The following DPY19L3 variants were observed in gnomAD, a reference collection of about 807,000 sequenced individuals.
The protein encoded by DPY19L3 is protein C-mannosyl-transferase DPY19L3.
A neutral mutation model predicts 92.3 loss-of-function variants in DPY19L3; 51 were observed. That is an observed-to-expected ratio of 0.55 (90% CI 0.44 to 0.70). The LOEUF is 0.70. Ranked by LOEUF, DPY19L3 falls within the 30% of genes least tolerant of loss-of-function variation. The pLI is 0.00. For synonymous variants in DPY19L3, 309 were observed against 315.2 expected (o/e 0.98, Z 0.21); for missense variants, 706 against 855.9 (o/e 0.82, Z 2.18).
chr19:32,411,424 G>C lies in DPY19L3; in HGVS notation c.237+52G>C, dbSNP rs576685910. 2.3e-4 allele frequency: 369 copies of C among 1,600,098 alleles called. 4 individuals carry two copies. The South Asian group carries it at 2.6e-3, about 11-fold the overall frequency. ...CATTCACTCAGTGGGATCTCCAGTA[G>C]TAAGCCATGTGGATGAATGACCAAG... is the stretch of plus-strand genomic sequence containing the variant. On this transcript the variant is annotated intron_variant, in intron 3 of 18. Transcript: ENST00000392250.
chr19:32,485,405 G>A lies in DPY19L3; in HGVS notation c.*3165G>A, dbSNP rs1203464175. ...CAGCGTGACAGGAGTGTGTGTGTGT[G>A]TGTGTGTTTCTGTGGGTGTGTGGTT... On this transcript the variant is annotated 3_prime_UTR_variant, in exon 19 of 19. Transcript: ENST00000392250. 6.6e-6 allele frequency: 1 copy of A among 152,172 alleles called. No individual in the cohort carries two copies. The highest frequency in any genetic ancestry group is 1.5e-5 in the Non-Finnish European group (1 of 68,046). The allele number at this position is 152,172 out of a possible 1,614,324, so 9.4% of individuals were successfully genotyped here.
intron 17 of DPY19L3, among the ~76,000 whole-genome samples, chr19:32,478,751 G>C (rs756089492): frequency 6.6e-6 from 1 of 152,172 alleles, no homozygotes; most frequent in African/African-American, 2.4e-5. Flanking sequence ...TTTTAAAGCT[G>C]CTTAATATTT....
chr19:32,479,367 A>G (rs987843434), intron 17 of DPY19L3, among the ~76,000 whole-genome samples: 2 of 152,036 alleles, frequency 1.3e-5, no homozygotes, highest in Non-Finnish European at 2.9e-5. Flanking sequence ...GGTCGAGTGC[A>G]CAGAACGTCC....
At chr19:32,469,597 G>T (rs1316869645) in intron 16 of DPY19L3, among the ~76,000 whole-genome samples, 2 of 152,066 alleles carry the variant, frequency 1.3e-5, no homozygotes, top group East Asian at 3.9e-4. Context: ...AGCTCAGTGC[G>T]GATTTCATGT....
Position 32,483,176 on chromosome 19 carries a change from T to C in DPY19L3, c.*936T>C, listed in dbSNP as rs1438244843. 6.6e-6 allele frequency: 1 copy of C among 152,246 alleles called. No individual in the cohort carries two copies. The highest frequency in any genetic ancestry group is 1.5e-5 in the Non-Finnish European group (1 of 68,040). 9.4% of individuals were successfully genotyped at this position (152,246 alleles called of 1,614,324 possible). A position where few individuals can be genotyped will look rare whatever the true frequency, so the allele number is the denominator to read the frequency against. On this transcript the variant is annotated 3_prime_UTR_variant, in exon 19 of 19. Transcript: ENST00000392250. ...AAGTCTGAATATTTTTTAAATGTTC[T>C]ATCTTAACTAGTTCACTAATACAGT...
intron 3 of DPY19L3, among the ~76,000 whole-genome samples, chr19:32,431,899 C>A (rs1380981547): frequency 1.3e-5 from 2 of 152,138 alleles, no homozygotes; most frequent in Non-Finnish European, 2.9e-5. Flanking sequence ...AAAAATATGA[C>A]ATACCATCAA....
chr19:32,465,874 A>G (rs996289224), intron 15 of DPY19L3, among the ~76,000 whole-genome samples: 2 of 152,218 alleles, frequency 1.3e-5, no homozygotes, highest in African/African-American at 4.8e-5. Flanking sequence ...TTATTGCTCT[A>G]ATGCGAATAA....
At chr19:32,450,701 C>G (rs1969671573) in intron 8 of DPY19L3, among the ~76,000 whole-genome samples, 1 of 152,062 alleles carries the variant, frequency 6.6e-6, no homozygotes, top group African/African-American at 2.4e-5. Flanking sequence ...GTTGCCGGAG[C>G]TGGGGGTAGG....
chr19:32,409,127 C>T (rs1209557932), intron 2 of DPY19L3, among the ~76,000 whole-genome samples: 8 of 152,098 alleles, frequency 5.3e-5, no homozygotes, highest in East Asian at 1.9e-4. Context: ...CAGCCATTAG[C>T]GAGTGATTAA....
chr19:32,461,733 C>A (rs1210387688), intron 12 of DPY19L3, among the ~76,000 whole-genome samples: 1 of 152,190 alleles, frequency 6.6e-6, no homozygotes, highest in East Asian at 1.9e-4. Context: ...GTGCCCAGTT[C>A]TATTGGGTAT....
chr19:32,467,755 A>G, intron 15 of DPY19L3: 8 of 984,200 alleles, frequency 8.1e-6, no homozygotes, highest in Non-Finnish European at 9.7e-6. Context: ...TGACCTTAGA[A>G]TGTATATAGA....
chr19:32,408,381 A>C (rs762400856), intron 2 of DPY19L3, 25 bp downstream of exon 2: 16 of 1,561,438 alleles, frequency 1.0e-5, no homozygotes, highest in Non-Finnish European at 1.4e-5. Context: ...CTAAAGCAGC[A>C]ATTTGGGTTG....
At chr19:32,464,869 CA>C in intron 15 of DPY19L3, 85 bp downstream of exon 15, 1 of 932,836 alleles carries the variant, frequency 1.1e-6, no homozygotes, top group Non-Finnish European at 1.6e-6. Context: ...TATTATTTGG[CA>C]AATAGAGTGG....
chr19:32,457,309 G>C (rs1423216373), intron 10 of DPY19L3, among the ~76,000 whole-genome samples: 1 of 152,160 alleles, frequency 6.6e-6, no homozygotes, highest in African/African-American at 2.4e-5. Context: ...GGACTGTTAA[G>C]ATCTCTTCCG....
In DPY19L3 at chr19:32,445,440, C is replaced by CAAAAAAAAAAAAAAAAAAAA. The variant is rs71336904; in HGVS notation, c.855+5532_855+5551dup. 3.7e-4 allele frequency among the ~76,000 whole-genome samples: 16 copies of CAAAAAAAAAAAAAAAAAAAA among 42,826 alleles called. 2 individuals are homozygous for CAAAAAAAAAAAAAAAAAAAA. Among genetic ancestry groups the CAAAAAAAAAAAAAAAAAAAA allele is most frequent in the Admixed American group, 1.7e-3 (4 of 2,412 alleles). 28.1% of individuals were successfully genotyped at this position (42,826 alleles called of 152,430 possible). On this transcript the variant is annotated intron_variant, in intron 8 of 18. Coordinates refer to ENST00000392250, the MANE Select transcript of DPY19L3 (RefSeq NM_001172774.2). ...TGGGGGACAGAGCGAGACTTCATCTCAAAAAAAAAAAAAAAAAAAAACCAT... is the reference window on the plus strand; with the variant it reads ...TGGGGGACAGAGCGAGACTTCATCTCAAAAAAAAAAAAAAAAAAAAAAAAAAAAAAAAAAAAAAAAACCAT...
At chr19:32,413,052 G>T (rs1051812517) in intron 3 of DPY19L3, 2 of 151,786 alleles carry the variant, frequency 1.3e-5, no homozygotes, top group South Asian at 2.1e-4. Flanking sequence ...TTCAGAACTC[G>T]TATATAACTT....
chr19:32,422,758 A>G (rs1041485139), intron 3 of DPY19L3, among the ~76,000 whole-genome samples: 4 of 152,214 alleles, frequency 2.6e-5, no homozygotes, highest in Non-Finnish European at 5.9e-5. Context: ...AAATTGGCCT[A>G]GAAAAATCAT....
At position 32,408,383 on chromosome 19, in the gene DPY19L3, T is replaced by A. The variant is rs770297176; in HGVS notation, c.103+27T>A. 4.2e-5 allele frequency: 65 copies of A among 1,548,932 alleles called. 1 individual carries two copies. In the Middle Eastern group the frequency reaches 5.1e-4, roughly 12 times the overall value. On this transcript the variant is annotated intron_variant, in intron 2 of 18. Transcript: ENST00000392250. The stretch of plus-strand genomic sequence containing the variant: ...TAGGTGATTTAAACTAAAGCAGCAA[T>A]TTGGGTTGCTTTTATTTCTGCATAT...
chr19:32,485,817 G>A lies in DPY19L3; in HGVS notation c.*3577G>A, dbSNP rs752066283. ...TTTAACACCCTTTGGGTAAAATCTT[G>A]CAAAGAGCTTTTATAATTTGTTTTA... On this transcript the variant is annotated 3_prime_UTR_variant, in exon 19 of 19. Coordinates refer to ENST00000392250, the MANE Select transcript of DPY19L3 (RefSeq NM_001172774.2). 3.3e-5 allele frequency: 5 copies of A among 152,178 alleles called. No homozygotes were observed. The highest frequency in any genetic ancestry group is 7.4e-5 in the Non-Finnish European group (5 of 68,026). 9.4% of individuals were successfully genotyped at this position (152,178 alleles called of 1,614,324 possible).
Sources: allele counts gnomAD v4.1 joint callset (sites outside exome capture counted in the v4.1 genomes callset), GRCh38; gene constraint gnomAD v4.1.1; transcripts MANE v1.5; gene names NCBI Gene and HGNC (gene_info 2026-07-23, HGNC 2026-07-21).